The following DCP1A variants were observed in gnomAD, a reference collection of about 807,000 sequenced individuals.
The protein encoded by DCP1A is mRNA-decapping enzyme 1A.
Under a neutral mutation model 58.0 loss-of-function variants are expected in DCP1A, and 20 were observed. The observed-to-expected ratio is 0.34, with a 90% confidence interval of 0.24 to 0.50. The LOEUF is 0.50. Among genes scored for constraint, DCP1A ranks in the 20% least tolerant of loss-of-function variants. The probability of loss-of-function intolerance (pLI) is 0.98; values close to 1 mark genes in which losing one functional copy is unlikely to be tolerated. For synonymous variants in DCP1A, 285 were observed against 275.1 expected (o/e 1.04, Z -0.36); for missense variants, 613 against 712.2 (o/e 0.86, Z 1.59).
At chr3:53,307,209 A>C (rs894726919) in intron 5 of DCP1A, among the ~76,000 whole-genome samples, 41 of 152,134 alleles carry the variant, frequency 2.7e-4, no homozygotes, top group African/African-American at 9.2e-4. Flanking sequence ...TCAGCCTTCC[A>C]AAGTGTTGGG....
At chr3:53,315,751 TTTTTTG>T (rs1169531633) in intron 4 of DCP1A, among the ~76,000 whole-genome samples, 4 of 105,966 alleles carry the variant, frequency 3.8e-5, no homozygotes, top group Admixed American at 1.1e-4. Flanking sequence ...GTTGTTTTTT[TTTTTTG>T]TTTTTTTTTT....
intron 3 of DCP1A, among the ~76,000 whole-genome samples, chr3:53,322,759 T>C (rs1426170226): frequency 6.6e-6 from 1 of 151,480 alleles, no homozygotes; most frequent in Non-Finnish European, 1.5e-5. Flanking sequence ...GGCTCACTAG[T>C]CTCTGAGCCT....
intron 3 of DCP1A, among the ~76,000 whole-genome samples, chr3:53,324,096 A>G (rs1203979416): frequency 6.6e-6 from 1 of 152,220 alleles, no homozygotes; most frequent in Non-Finnish European, 1.5e-5. Context: ...AAAATACAAT[A>G]TAATTTAGAA....
rs1706525175 is a variant in DCP1A at position 53,283,881 on chromosome 3, A to ACGG, written c.*3698_*3699insCCG. The ACGG allele has an allele frequency of 6.6e-6, 1 of 152,236 alleles. No individual in the cohort carries two copies. Among genetic ancestry groups the ACGG allele is most frequent in the Admixed American group, 6.5e-5 (1 of 15,278 alleles). 9.4% of individuals were successfully genotyped at this position (152,236 alleles called of 1,614,324 possible). On this transcript the variant is annotated 3_prime_UTR_variant, in exon 10 of 10. Transcript: ENST00000610213. Reference sequence around the variant, plus strand: ...TACAAAACGGAGGGAATCACTGCACACATCTGTTGAATTTGCTGAAAAACA... The same window carrying ACGG: ...TACAAAACGGAGGGAATCACTGCACACGGCATCTGTTGAATTTGCTGAAAAACA...
At chr3:53,318,503 A>C (rs919179159) in intron 4 of DCP1A, among the ~76,000 whole-genome samples, 1 of 152,126 alleles carries the variant, frequency 6.6e-6, no homozygotes, top group African/African-American at 2.4e-5. Flanking sequence ...GAAAAAAAGC[A>C]GAGGTGCACC....
chr3:53,340,611 T>C (rs1427449077), intron 3 of DCP1A, among the ~76,000 whole-genome samples: 1 of 148,322 alleles, frequency 6.7e-6, no homozygotes, highest in Admixed American at 6.8e-5. Context: ...ACATTAACTT[T>C]TACTTTTTAA....
intron 4 of DCP1A, among the ~76,000 whole-genome samples, chr3:53,318,961 C>T (rs1331051468): frequency 6.6e-6 from 1 of 152,138 alleles, no homozygotes; most frequent in Non-Finnish European, 1.5e-5. Flanking sequence ...TGCAGATATC[C>T]TCTGGAGCCG....
At chr3:53,336,046 C>T (rs1195251370) in intron 3 of DCP1A, among the ~76,000 whole-genome samples, 3 of 151,780 alleles carry the variant, frequency 2.0e-5, no homozygotes, top group East Asian at 1.9e-4. Flanking sequence ...GTGATCTGTT[C>T]GCCTTGGCCT....
chr3:53,324,193 AAAGAT>A (rs782357174), intron 3 of DCP1A, among the ~76,000 whole-genome samples: 9 of 152,246 alleles, frequency 5.9e-5, no homozygotes, highest in Non-Finnish European at 1.2e-4. Context: ...CAGAAGAAAT[AAAGAT>A]AAGAAAGCCA....
At chr3:53,289,907 A>G (rs1448177912) in intron 8 of DCP1A, among the ~76,000 whole-genome samples, 2 of 152,212 alleles carry the variant, frequency 1.3e-5, no homozygotes, top group African/African-American at 4.8e-5. Flanking sequence ...GGTTTTTGGC[A>G]TCTGAGCTAT....
At chr3:53,307,018 C>A (rs1359157694) in intron 5 of DCP1A, among the ~76,000 whole-genome samples, 1 of 146,106 alleles carries the variant, frequency 6.8e-6, no homozygotes, top group Non-Finnish European at 1.5e-5. Context: ...CTCACTGTAA[C>A]CTTCGCCTCT....
chr3:53,340,832 CA>C (rs1235275787), intron 3 of DCP1A, among the ~76,000 whole-genome samples: 1 of 152,192 alleles, frequency 6.6e-6, no homozygotes, highest in Non-Finnish European at 1.5e-5. Flanking sequence ...TTGCTGACTA[CA>C]TCCAATCGTT....
At chr3:53,287,689 CG>C in intron 9 of DCP1A, 29 bp from the exon 10 acceptor site, 1 of 1,497,252 alleles carries the variant, frequency 6.7e-7, no homozygotes. Flanking sequence ...GTTAAGGATA[CG>C]AATGCCACAT....
intron 4 of DCP1A, among the ~76,000 whole-genome samples, chr3:53,313,805 G>A (rs1273895161): frequency 3.3e-5 from 5 of 151,786 alleles, no homozygotes; most frequent in African/African-American, 1.2e-4. Context: ...TAGAGTGTGG[G>A]GAAGAGGTGA....
intron 3 of DCP1A, among the ~76,000 whole-genome samples, chr3:53,321,790 A>G (rs1707975184): frequency 6.6e-6 from 1 of 152,184 alleles, no homozygotes; most frequent in Non-Finnish European, 1.5e-5. Flanking sequence ...TTGTCACTAC[A>G]TTTTCATTGC....
chr3:53,287,207 T>G lies in DCP1A; in HGVS notation c.*373A>C, dbSNP rs1161325288. The G allele has an allele frequency of 1.7e-5, 3 of 176,964 alleles. No homozygotes were observed. Among genetic ancestry groups the G allele is most frequent in the Non-Finnish European group, 3.5e-5 (3 of 84,788 alleles). The allele number at this position is 176,964 out of a possible 1,614,324, so 11.0% of individuals were successfully genotyped here. ...GGAAGCGGTGGGGGCCGGGCTGAAC[T>G]TCTGCTGTGAGGCTGGTGACTACTC... On this transcript the variant is annotated 3_prime_UTR_variant, in exon 10 of 10. Coordinates refer to ENST00000610213, the MANE Select transcript of DCP1A (RefSeq NM_018403.7).
intron 2 of DCP1A, among the ~76,000 whole-genome samples, chr3:53,342,827 C>T (rs907000760): frequency 1.3e-5 from 2 of 152,194 alleles, no homozygotes; most frequent in African/African-American, 4.8e-5. Flanking sequence ...ATGTAAGCCC[C>T]ATGCAAATGG....
Position 53,301,222 on chromosome 3 carries a change from T to C in DCP1A, c.624+2955A>G, listed in dbSNP as rs1261745645. On this transcript the variant is annotated intron_variant, in intron 6 of 9. Transcript: ENST00000610213. ...TCTAAAAACATTTTTGGATACATTG[T>C]TGATGTGAATGTAAGACTGTACAGA... Among the ~76,000 whole-genome samples the C allele has an allele frequency of 2.0e-5, 3 of 152,278 alleles. No homozygotes were observed. The East Asian group carries it at 5.8e-4, about 29-fold the overall frequency.
chr3:53,306,052 T>C (rs1362224768), intron 5 of DCP1A, among the ~76,000 whole-genome samples: 1 of 152,192 alleles, frequency 6.6e-6, no homozygotes, highest in Non-Finnish European at 1.5e-5. Context: ...AGATATGAGA[T>C]TTTTTTAAAA....
Sources: allele counts gnomAD v4.1 joint callset (sites outside exome capture counted in the v4.1 genomes callset), GRCh38; gene constraint gnomAD v4.1.1; transcripts MANE v1.5; gene names NCBI Gene and HGNC (gene_info 2026-07-23, HGNC 2026-07-21).